POLN: variants seen among roughly 807,000 people sequenced by gnomAD.
POLN encodes DNA polymerase nu.
POLN carries 108 observed loss-of-function variants against 113.5 expected under a neutral mutation model. The ratio of observed to expected loss-of-function variants is 0.95; its 90% CI spans 0.81 to 1.12. The LOEUF is 1.12. Ranked by LOEUF, POLN falls within the 50% of genes most tolerant of loss-of-function variation. POLN has a pLI of 0.00. For missense variants in POLN, 1,097 were observed against 1,077.1 expected (o/e 1.02, Z -0.26); for synonymous variants, 386 against 391.5 (o/e 0.99, Z 0.17).
intron 20 of POLN, among the ~76,000 whole-genome samples, chr4:2,095,480 A>G (rs1208498261): frequency 6.6e-6 from 1 of 152,208 alleles, no homozygotes; most frequent in Non-Finnish European, 1.5e-5. Flanking sequence ...AATGAGTCCA[A>G]GCGCTGCACA....
At chr4:2,116,791 C>A (rs1731327525) in intron 19 of POLN, among the ~76,000 whole-genome samples, 1 of 152,170 alleles carries the variant, frequency 6.6e-6, no homozygotes. Flanking sequence ...TGTTCTTGGC[C>A]TTCCAGGCAG....
chr4:2,136,443 GA>G (rs1280681838), intron 16 of POLN, among the ~76,000 whole-genome samples: 1 of 152,230 alleles, frequency 6.6e-6, no homozygotes, highest in Non-Finnish European at 1.5e-5. Context: ...GGTTGCAGGG[GA>G]AAGTGCCAGC....
chr4:2,098,906 GCACGTGCGTGCGCA>G (rs1730858612), intron 19 of POLN, among the ~76,000 whole-genome samples: 1 of 106,640 alleles, frequency 9.4e-6, no homozygotes, highest in Non-Finnish European at 2.0e-5. Flanking sequence ...GTGTGCACAT[GCACGTGCGTGCGCA>G]CACACACACA....
At chr4:2,196,811 T>C (rs1733587437) in intron 6 of POLN, among the ~76,000 whole-genome samples, 1 of 152,198 alleles carries the variant, frequency 6.6e-6, no homozygotes, top group African/African-American at 2.4e-5. Flanking sequence ...TCTGTACCTT[T>C]GTGTTTTCAT....
At chr4:2,195,908 T>A (rs1037075497) in intron 6 of POLN, among the ~76,000 whole-genome samples, 2 of 152,200 alleles carry the variant, frequency 1.3e-5, no homozygotes, top group African/African-American at 4.8e-5. Flanking sequence ...ATTAAATAAG[T>A]GATTTAGATG....
Position 2,170,660 on chromosome 4 carries a change from G to A in POLN, c.1554+19C>T. 1.3e-6 allele frequency: 2 copies of A among 1,597,022 alleles called. No homozygotes were observed. Among genetic ancestry groups the A allele is most frequent in the Non-Finnish European group, 1.7e-6 (2 of 1,165,418 alleles). ...ATGCTGTCATTCTAAAAAGAAAAAG[G>A]ATAACTCTGAAACCTTACCACTGCT... On this transcript the variant is annotated intron_variant, in intron 13 of 25. Transcript: ENST00000511885.
At chr4:2,193,780 A>G (rs919188241) in intron 6 of POLN, among the ~76,000 whole-genome samples, 2 of 152,170 alleles carry the variant, frequency 1.3e-5, no homozygotes, top group Admixed American at 6.5e-5. Context: ...CTTGACTACA[A>G]TTCTCTTCCC....
At chr4:2,201,210 T>C (rs1287570117) in intron 5 of POLN, among the ~76,000 whole-genome samples, 1 of 122,890 alleles carries the variant, frequency 8.1e-6, no homozygotes, top group Non-Finnish European at 1.6e-5. Flanking sequence ...GAGGTTACAG[T>C]GAGCCCAGAT....
intron 7 of POLN, among the ~76,000 whole-genome samples, chr4:2,190,776 A>T (rs935652171): frequency 6.6e-5 from 10 of 152,242 alleles, no homozygotes; most frequent in Non-Finnish European, 1.5e-4. Flanking sequence ...AAAAATGTTC[A>T]ACATCACTAA....
intron 2 of POLN, chr4:2,240,024 T>C (rs374960320): frequency 6.3e-7 from 1 of 1,599,690 alleles, no homozygotes; most frequent in South Asian, 1.1e-5. Context: ...TCCAATCTCA[T>C]TTCTTATGCT....
rs1229459609 is a variant in POLN, at chr4:2,078,958, C to A, written c.2387+2000G>T. ...ATTTTTTCTTTTTTTGAGGCAGGTTCTTGCCCTGTTGCCCAGGCTGGAGTG... is the reference window on the plus strand; with the variant it reads ...ATTTTTTCTTTTTTTGAGGCAGGTTATTGCCCTGTTGCCCAGGCTGGAGTG... On this transcript the variant is annotated intron_variant, in intron 23 of 25. Coordinates refer to ENST00000511885, the MANE Select transcript of POLN (RefSeq NM_181808.4). The A allele has an allele frequency of 3.1e-6, 3 of 983,210 alleles. No individual in the cohort carries two copies. In the East Asian group the frequency reaches 3.4e-4, roughly 112 times the overall value. 60.9% of individuals were successfully genotyped at this position (983,210 alleles called of 1,614,324 possible).
Position 2,122,799 on chromosome 4 carries a change from C to G in POLN, c.1982+5314G>C, listed in dbSNP as rs531107455. 4.6e-5 allele frequency among the ~76,000 whole-genome samples: 7 copies of G among 152,152 alleles called. No homozygotes were observed. The South Asian group carries it at 1.5e-3, about 32-fold the overall frequency. ...AGTTAAACATAGAATTATTTTATGA[C>G]CCAGCATGTCTACTCCTAGGTATAC... On this transcript the variant is annotated intron_variant, in intron 19 of 25. Coordinates refer to ENST00000511885, the MANE Select transcript of POLN (RefSeq NM_181808.4).
intron 3 of POLN, among the ~76,000 whole-genome samples, chr4:2,215,038 A>T (rs1734079920): frequency 6.6e-6 from 1 of 151,572 alleles, no homozygotes; most frequent in Non-Finnish European, 1.5e-5. Flanking sequence ...AAATAATCTC[A>T]CTCTTGGCTG....
intron 16 of POLN, among the ~76,000 whole-genome samples, chr4:2,134,112 T>C (rs1322920424): frequency 6.6e-6 from 1 of 152,246 alleles, no homozygotes; most frequent in Non-Finnish European, 1.5e-5. Flanking sequence ...TCGTGTGGTA[T>C]GTAGCCTTTC....
intron 16 of POLN, among the ~76,000 whole-genome samples, chr4:2,135,858 C>A (rs755350178): frequency 6.6e-6 from 1 of 152,222 alleles, no homozygotes; most frequent in Admixed American, 6.5e-5. Context: ...GCAGGGGAAC[C>A]GTTCGTGGAA....
At chr4:2,078,254 C>G (rs1730322692) in intron 23 of POLN, among the ~76,000 whole-genome samples, 2 of 152,248 alleles carry the variant, frequency 1.3e-5, no homozygotes, top group African/African-American at 4.8e-5. Flanking sequence ...CCAGAAGAGA[C>G]AGACAGGACA....
At chr4:2,075,394 T>C in intron 24 of POLN, 58 bp downstream of exon 24, 1 of 1,574,436 alleles carries the variant, frequency 6.4e-7, no homozygotes, top group Non-Finnish European at 8.7e-7. Flanking sequence ...CCATGGGGCA[T>C]GGAGCCTCCT....
intron 5 of POLN, 39 bp from the exon 6 acceptor site, chr4:2,198,756 A>AT: frequency 6.6e-7 from 1 of 1,525,996 alleles, no homozygotes; most frequent in Non-Finnish European, 8.9e-7. Flanking sequence ...CCCAGACAAC[A>AT]TATCTGTTGT....
At chr4:2,153,040 T>C (rs149065437) in intron 16 of POLN, among the ~76,000 whole-genome samples, 1 of 152,314 alleles carries the variant, frequency 6.6e-6, no homozygotes, top group Non-Finnish European at 1.5e-5. Flanking sequence ...GTGCATGGTG[T>C]TCATTGCAGC....
Sources: allele counts gnomAD v4.1 joint callset (sites outside exome capture counted in the v4.1 genomes callset), GRCh38; gene constraint gnomAD v4.1.1; transcripts MANE v1.5; gene names NCBI Gene and HGNC (gene_info 2026-07-23, HGNC 2026-07-21).